The following MED14 variants were observed in gnomAD, a reference collection of about 807,000 sequenced individuals.
MED14 encodes the protein mediator complex subunit 14.
A neutral mutation model predicts 109.0 loss-of-function variants in MED14; 8 were observed. The observed-to-expected ratio is 0.07, with a 90% CI of 0.04 to 0.13. The LOEUF is 0.13. Ranked by LOEUF, MED14 falls within the 10% of genes least tolerant of loss-of-function variation. MED14 has a pLI of 1.00. For synonymous variants in MED14, 399 were observed against 408.7 expected (o/e 0.98, Z 0.29); for missense variants, 711 against 1,142.4 (o/e 0.62, Z 5.44).
At chrX:40,692,375 G>A in intron 14 of MED14, 58 bp from the exon 15 acceptor site, 1 of 912,106 alleles carries the variant, frequency 1.1e-6, no homozygotes, top group Non-Finnish European at 1.5e-6. Flanking sequence ...TACATGTGAT[G>A]CAATTCATTA....
upstream of MED14, chrX:40,735,986 C>T (rs1056347361): frequency 1.8e-4 from 43 of 233,363 alleles, no homozygotes; most frequent in Admixed American, 2.0e-3. Context: ...CTCCCTCCCG[C>T]CTCCGCCCCC....
At chrX:40,716,704 T>C (rs779468274) in intron 3 of MED14, among the ~76,000 whole-genome samples, 2 of 111,272 alleles carry the variant, frequency 1.8e-5, no homozygotes, top group Admixed American at 9.6e-5. Flanking sequence ...CAAAAAGATA[T>C]CTGCACTCCC....
intron 22 of MED14, among the ~76,000 whole-genome samples, chrX:40,672,721 C>T (rs1929771944): frequency 1.8e-5 from 2 of 110,520 alleles, no homozygotes; most frequent in Non-Finnish European, 3.8e-5. Context: ...TGTGAAATGA[C>T]TTGAATCTTT....
chrX:40,690,417 G>GT (rs1001260027), intron 15 of MED14, among the ~76,000 whole-genome samples: 1 of 110,562 alleles, frequency 9.0e-6, no homozygotes, highest in Non-Finnish European at 1.9e-5. Flanking sequence ...CCACTGCCTG[G>GT]TTTTTTTGTT....
intron 24 of MED14, among the ~76,000 whole-genome samples, chrX:40,665,618 T>A (rs761554487): frequency 1.5e-4 from 17 of 112,355 alleles, no homozygotes; most frequent in Middle Eastern, 4.6e-3. Context: ...CATTAAACAG[T>A]AAGATACCAT....
At chrX:40,735,150 G>T in intron 1 of MED14, 48 bp downstream of exon 1, 1 of 954,722 alleles carries the variant, frequency 1.0e-6, no homozygotes, top group Non-Finnish European at 1.4e-6. Flanking sequence ...TCAGCCGGTT[G>T]GGCGGGAAGG....
At chrX:40,693,963 T>C (rs911964893) in intron 13 of MED14, among the ~76,000 whole-genome samples, 1 of 111,330 alleles carries the variant, frequency 9.0e-6, no homozygotes, top group African/African-American at 3.3e-5. Context: ...AGTGGCACAA[T>C]GTCAGCTCAC....
At chrX:40,653,409 T>C (rs1220011466) in intron 30 of MED14, among the ~76,000 whole-genome samples, 1 of 112,014 alleles carries the variant, frequency 8.9e-6, no homozygotes, top group East Asian at 2.8e-4. Flanking sequence ...CTCGCCTGCA[T>C]ATCCAATGTG....
chrX:40,692,633 A>C, intron 14 of MED14, 75 bp downstream of exon 14: 1 of 984,812 alleles, frequency 1.0e-6, no homozygotes, highest in Non-Finnish European at 1.4e-6. Context: ...GTTCTTTCTC[A>C]TATTAAAAAT....
At position 40,651,491 on chromosome X, in the gene MED14, C is replaced by A. The variant is rs1928872891; in HGVS notation, c.*315G>T. 3 of 801,168 alleles carry A rather than the reference C, an allele frequency of 3.7e-6. No individual in the cohort carries two copies. Among genetic ancestry groups the A allele is most frequent in the South Asian group, 1.3e-4 (2 of 15,732 alleles). 66.0% of individuals were successfully genotyped at this position (801,168 alleles called of 1,213,427 possible). On this transcript the variant is annotated 3_prime_UTR_variant, in exon 31 of 31. Transcript: ENST00000324817. ...CTATTACACCCAAAACATAAGAAAA[C>A]AATTAAATAAACAAGTTTGGCATTT...
At chrX:40,698,619 T>C (rs1261876035) in intron 12 of MED14, among the ~76,000 whole-genome samples, 1 of 112,553 alleles carries the variant, frequency 8.9e-6, no homozygotes, top group East Asian at 2.7e-4. Flanking sequence ...CTAGAATTCA[T>C]TTTTATTGCA....
chrX:40,680,209 T>C (rs1930062300), intron 20 of MED14, 76 bp from the exon 21 acceptor site: 1 of 1,043,097 alleles, frequency 9.6e-7, no homozygotes, highest in Admixed American at 2.7e-5. Context: ...AGTGTATAAC[T>C]GTCAAAAATG....
intron 15 of MED14, among the ~76,000 whole-genome samples, chrX:40,690,521 T>C (rs932599568): frequency 9.9e-5 from 11 of 111,042 alleles, no homozygotes; most frequent in Admixed American, 8.6e-4. Context: ...TTCAAGCAAT[T>C]CTCCTGCCTC....
In MED14 at chrX:40,703,210, A is replaced by G. The variant is rs60006025; in HGVS notation, c.1411+234T>C. 6.1e-3 allele frequency among the ~76,000 whole-genome samples: 686 copies of G among 112,218 alleles called. 6 individuals carry two copies. The highest frequency in any genetic ancestry group is 0.02 in the African/African-American group (632 of 30,915). On this transcript the variant is annotated intron_variant, in intron 11 of 30. Coordinates refer to ENST00000324817, the MANE Select transcript of MED14 (RefSeq NM_004229.4). Reference sequence around the variant, plus strand: ...CAGCCATCAACATTATTAATTTTGCATAAGGAAACACGAATGTGCGTTATA... The same window carrying G: ...CAGCCATCAACATTATTAATTTTGCGTAAGGAAACACGAATGTGCGTTATA...
At position 40,659,416 on chromosome X, in the gene MED14, T is replaced by C; in HGVS notation, c.3864+12A>G. ...TTAATTATATTCAAATTATGCACTA[T>C]TAAACACATACTCTTGTTTCAAAGA... On this transcript the variant is annotated intron_variant, in intron 27 of 30. Coordinates refer to ENST00000324817, the MANE Select transcript of MED14 (RefSeq NM_004229.4). 1 of 1,202,450 alleles carries C rather than the reference T, an allele frequency of 8.3e-7. No individual in the cohort carries two copies. The highest frequency in any genetic ancestry group is 1.1e-6 in the Non-Finnish European group (1 of 888,482).
chrX:40,693,032 C>T, intron 13 of MED14, 130 bp from the exon 14 acceptor site: 1 of 461,910 alleles, frequency 2.2e-6, no homozygotes, highest in Non-Finnish European at 3.3e-6. Flanking sequence ...AAGGTTAAAT[C>T]AATCGTATCA....
At chrX:40,654,630 T>C (rs1928991917) in intron 29 of MED14, 74 bp from the exon 30 acceptor site, 5 of 1,009,292 alleles carry the variant, frequency 5.0e-6, no homozygotes, top group Admixed American at 2.8e-5. Context: ...AAAGGTACTA[T>C]CATTTACTGT....
In MED14 at chrX:40,714,612, C is replaced by G. The variant is rs778634733; in HGVS notation, c.447G>C (p.Leu149=). 23 of 1,209,769 alleles carry G rather than the reference C, an allele frequency of 1.9e-5. No individual in the cohort carries two copies. The highest frequency in any genetic ancestry group is 2.5e-5 in the Non-Finnish European group (22 of 895,102). Residue 149 remains leucine, a synonymous_variant, in exon 4 of 31, where the codon CTG becomes CTC. Transcript: ENST00000324817. ...TGGCATATGGGATGGCAAAACTAGG[C>G]AGGCGTGCATGGACCAGAGCATCTC... ...LARDALVHAR[L]PSFAIPYAID...
rs973285379 is a variant in MED14 at position 40,650,387 on chromosome X, T to C, written c.*1419A>G. On this transcript the variant is annotated 3_prime_UTR_variant, in exon 31 of 31. Coordinates refer to ENST00000324817, the MANE Select transcript of MED14 (RefSeq NM_004229.4). Reference sequence around the variant, plus strand: ...TGAGATACTTGAAACTAGAATTTGATAGTTGATAGTTATAGAAGCTCAATT... The same window carrying C: ...TGAGATACTTGAAACTAGAATTTGACAGTTGATAGTTATAGAAGCTCAATT... 2.7e-6 allele frequency: 2 copies of C among 751,298 alleles called. No individual in the cohort carries two copies. The highest frequency in any genetic ancestry group is 1.5e-4 in the East Asian group (1 of 6,675). 61.9% of individuals were successfully genotyped at this position (751,298 alleles called of 1,213,427 possible).
Sources: allele counts gnomAD v4.1 joint callset (sites outside exome capture counted in the v4.1 genomes callset), GRCh38; gene constraint gnomAD v4.1.1; transcripts MANE v1.5; gene names NCBI Gene and HGNC (gene_info 2026-07-23, HGNC 2026-07-21).